Variants in ADAM12 observed in about 807,000 individuals in gnomAD.
The protein encoded by ADAM12 is disintegrin and metalloproteinase domain-containing protein 12.
In ADAM12, 70 loss-of-function variants were observed where a neutral mutation model predicts 106.4. The observed-to-expected ratio is 0.66, with a 90% confidence interval of 0.54 to 0.80. ADAM12 has a LOEUF of 0.80. Ranked by LOEUF, ADAM12 falls within the 30% of genes least tolerant of loss-of-function variation. The pLI is 0.00. For synonymous variants in ADAM12, 420 were observed against 433.5 expected (o/e 0.97, Z 0.39); for missense variants, 1,010 against 1,171.9 (o/e 0.86, Z 2.02).
chr10:126,187,335 A>AAAAAC (rs1957418342), intron 3 of ADAM12, among the ~76,000 whole-genome samples: 1 of 151,998 alleles, frequency 6.6e-6, no homozygotes, highest in Admixed American at 6.6e-5. Context: ...ATAAAAAAAA[A>AAAAAC]ACAAATTTAA....
At position 126,118,203 on chromosome 10, in the gene ADAM12, A is replaced by G. The variant is rs774170912; in HGVS notation, c.438T>C (p.Asn146=). 7 of 1,613,834 alleles carry G rather than the reference A, an allele frequency of 4.3e-6. No individual in the cohort carries two copies. In the East Asian group the frequency reaches 1.6e-4, roughly 36 times the overall value. The change falls in exon 6 of 23, where the codon AAT becomes AAC. Residue 146 remains asparagine (N), a synonymous_variant. Coordinates refer to ENST00000448723, the MANE Select transcript of ADAM12 (RefSeq NM_001288973.2). ...TCATTGGTTCTAAGACATAGCTTTC[A>G]TTTTCAAACACAATAAGTCCCCTGT... ...SGLRGLIVFE[N]ESYVLEPMKS...
In ADAM12 at chr10:126,066,576, A is replaced by T; in HGVS notation, c.1413+141T>A. 1 of 731,096 alleles carries T rather than the reference A, an allele frequency of 1.4e-6. No homozygotes were observed. The highest frequency in any genetic ancestry group is 2.3e-6 in the Non-Finnish European group (1 of 429,416). 45.3% of individuals were successfully genotyped at this position (731,096 alleles called of 1,614,324 possible). A position where few individuals can be genotyped will look rare whatever the true frequency, so the allele number is the denominator to read the frequency against. On this transcript the variant is annotated intron_variant, in intron 13 of 22. Coordinates refer to ENST00000448723, the MANE Select transcript of ADAM12 (RefSeq NM_001288973.2). This position sits in a 1 kb window ranked among gnomAD's most constrained non-coding sequence, Gnocchi z 5.1. ...TAAACAGTAAGAGGTGGGTAACACC[A>T]ACTGGCGTGAGAAGGAGGGATGGTG...
At chr10:126,363,667 T>A (rs1427287467) in intron 1 of ADAM12, among the ~76,000 whole-genome samples, 1 of 152,162 alleles carries the variant, frequency 6.6e-6, no homozygotes, top group Non-Finnish European at 1.5e-5. Flanking sequence ...GAGAACATGC[T>A]GGGTTAGCCT....
At chr10:126,213,478 C>G (rs986140400) in intron 3 of ADAM12, among the ~76,000 whole-genome samples, 1 of 152,138 alleles carries the variant, frequency 6.6e-6, no homozygotes, top group Non-Finnish European at 1.5e-5. Context: ...AATAATTGAT[C>G]AAACATTTGT....
intron 3 of ADAM12, among the ~76,000 whole-genome samples, chr10:126,182,357 C>T (rs57388855): frequency 0.087 from 13,278 of 152,038 alleles, 1,952 homozygotes; most frequent in African/African-American, 0.3. Context: ...TTTATAGTCT[C>T]GTACAAATGG....
intron 1 of ADAM12, among the ~76,000 whole-genome samples, chr10:126,354,036 T>G (rs1855456168): frequency 7.8e-6 from 1 of 128,170 alleles, no homozygotes; most frequent in African/African-American, 2.6e-5. Context: ...TTAACAAGCT[T>G]TTTTTTTTTT....
chr10:126,248,673 GTATGTATGTATGTATT>G (rs1282975936), intron 3 of ADAM12, among the ~76,000 whole-genome samples: 15 of 113,182 alleles, frequency 1.3e-4, no homozygotes, highest in Non-Finnish European at 2.2e-4. Flanking sequence ...ATGTATGTAT[GTATGTATGTATGTATT>G]TATTTATTTA....
chr10:126,202,029 G>A (rs1565134811), intron 3 of ADAM12, among the ~76,000 whole-genome samples: 1 of 152,316 alleles, frequency 6.6e-6, no homozygotes, highest in East Asian at 1.9e-4. Context: ...GGGCTGCAAC[G>A]CACAGGATGT....
intron 19 of ADAM12, 111 bp downstream of exon 19, chr10:126,039,183 G>A (rs11594171): frequency 0.13 from 177,841 of 1,321,664 alleles, 14,525 homozygotes; most frequent in Admixed American, 0.34. Context: ...TCCTGACCTC[G>A]TGATCCGCCC....
chr10:126,132,720 T>C (rs1018186565), intron 5 of ADAM12, among the ~76,000 whole-genome samples: 12 of 152,056 alleles, frequency 7.9e-5, no homozygotes, highest in South Asian at 2.1e-4. Flanking sequence ...CCATGCAAAC[T>C]GGGGCTCAGA....
At chr10:126,047,939 A>C (rs1432307825) in intron 16 of ADAM12, among the ~76,000 whole-genome samples, 1 of 152,252 alleles carries the variant, frequency 6.6e-6, no homozygotes, top group Non-Finnish European at 1.5e-5. Context: ...TGGTACATAT[A>C]CACCATGGAA....
At chr10:126,357,419 A>C (rs1448991490) in intron 1 of ADAM12, among the ~76,000 whole-genome samples, 1 of 152,192 alleles carries the variant, frequency 6.6e-6, no homozygotes, top group African/African-American at 2.4e-5. Context: ...CTAGACAAAC[A>C]AAAGCTAAGC....
chr10:126,055,286 A>T (rs1212306851), intron 14 of ADAM12, among the ~76,000 whole-genome samples: 1 of 152,170 alleles, frequency 6.6e-6, no homozygotes, highest in East Asian at 1.9e-4. Context: ...ACATTGAAAG[A>T]GGCAGCAGGC....
chr10:126,098,576 G>T, intron 9 of ADAM12, 76 bp from the exon 10 acceptor site: 3 of 1,231,076 alleles, frequency 2.4e-6, no homozygotes, highest in Non-Finnish European at 3.6e-6. Context: ...AATTCTGTTG[G>T]ATATTCCTGC....
intron 3 of ADAM12, among the ~76,000 whole-genome samples, chr10:126,274,909 T>A (rs10901582): frequency 0.41 from 62,928 of 152,188 alleles, 15,295 homozygotes; most frequent in Non-Finnish European, 0.54. Flanking sequence ...TTTATACCCA[T>A]GTTTAGCCAT....
intron 3 of ADAM12, among the ~76,000 whole-genome samples, chr10:126,185,680 T>C (rs889417760): frequency 3.3e-5 from 5 of 151,752 alleles, no homozygotes; most frequent in Non-Finnish European, 5.9e-5. Context: ...ACACCACCCA[T>C]GGGGAGCAAT....
At chr10:126,342,923 G>A (rs937287031) in intron 1 of ADAM12, among the ~76,000 whole-genome samples, 1 of 151,186 alleles carries the variant, frequency 6.6e-6, no homozygotes, top group Non-Finnish European at 1.5e-5. Flanking sequence ...GGGTGGAGGG[G>A]TGGGGCATGG....
At chr10:126,238,088 A>G (rs1031798427) in intron 3 of ADAM12, among the ~76,000 whole-genome samples, 1 of 152,272 alleles carries the variant, frequency 6.6e-6, no homozygotes, top group Non-Finnish European at 1.5e-5. Flanking sequence ...GATCATTAAA[A>G]TGGTTTTATT....
chr10:126,138,473 C>T (rs887454836), intron 4 of ADAM12, among the ~76,000 whole-genome samples: 28 of 152,180 alleles, frequency 1.8e-4, no homozygotes, highest in Admixed American at 6.5e-4. Context: ...TTCCCGGGTT[C>T]AAGTGATTCT....
Sources: gnomAD v4.1 joint callset for allele counts (sites outside exome capture counted in the v4.1 genomes callset) on GRCh38, gnomAD v4.1.1 for gene constraint, Gnocchi (gnomAD v3.1) non-coding constraint, MANE v1.5 for transcripts, NCBI Gene and HGNC (gene_info 2026-07-23, HGNC 2026-07-21) for gene names.